The following BAHCC1 variants were observed in gnomAD, a reference collection of about 807,000 sequenced individuals.
BAHCC1 encodes BAH domain and coiled-coil containing 1.
A neutral mutation model predicts 88.2 loss-of-function variants in BAHCC1; 43 were observed. That is an observed-to-expected ratio of 0.49 (90% CI 0.38 to 0.63). The LOEUF is 0.63. Ranked by LOEUF, BAHCC1 falls within the 20% of genes least tolerant of loss-of-function variation. The probability of loss-of-function intolerance (pLI) is 0.00; values close to 1 mark genes in which losing one functional copy is unlikely to be tolerated. For synonymous variants in BAHCC1, 1,510 were observed against 745.5 expected, an observed-to-expected ratio of 2.03 and a Z score of -16.71; for missense variants, 3,023 against 1,654.8, an observed-to-expected ratio of 1.83 and a Z score of -14.34.
rs1301475629 is a variant in BAHCC1, at chr17:81,445,016, G to A, written c.2673G>A (p.Ala891=). 8 of 759,030 alleles carry A rather than the reference G, an allele frequency of 1.1e-5. No homozygotes were observed. The highest frequency in any genetic ancestry group is 1.5e-5 in the Non-Finnish European group (6 of 410,578). 47.0% of individuals were successfully genotyped at this position (759,030 alleles called of 1,614,324 possible). The part of the protein sequence containing the change: ...PTPHSAPHAL[A]DVMDQASLWP... ...ACCCCTCCTGGGCCCTGCCCACAGC[G>A]GATGTCATGGACCAGGCGTCACTGT... Residue 891 remains alanine, a splice_region_variant and synonymous_variant, in exon 9 of 28, where the codon GCG becomes GCA. Coordinates refer to ENST00000675386, the MANE Select transcript of BAHCC1 (RefSeq NM_001377448.1).
At chr17:81,455,755 C>T (rs1378170220) in intron 15 of BAHCC1, among the ~76,000 whole-genome samples, 1 of 152,070 alleles carries the variant, frequency 6.6e-6, no homozygotes. Flanking sequence ...CTCCGGCTGC[C>T]GGCACCCCCT....
intron 2 of BAHCC1, among the ~76,000 whole-genome samples, chr17:81,417,619 G>A (rs1031289728): frequency 5.4e-5 from 7 of 129,680 alleles, no homozygotes; most frequent in Admixed American, 2.0e-4. Flanking sequence ...ACTTATATCC[G>A]ATTTTCCTTT....
chr17:81,405,104 G>C (rs565472288), intron 2 of BAHCC1, among the ~76,000 whole-genome samples: 1 of 152,192 alleles, frequency 6.6e-6, no homozygotes. Context: ...CTGTCTGCCA[G>C]GCTGGAGTGC....
chr17:81,421,207 A>G (rs1331307258), intron 2 of BAHCC1, among the ~76,000 whole-genome samples: 1 of 152,204 alleles, frequency 6.6e-6, no homozygotes, highest in African/African-American at 2.4e-5. Flanking sequence ...TCCTTTGCCA[A>G]GAGGAAAGAG....
chr17:81,444,834 C>T lies in BAHCC1; in HGVS notation c.2671+8C>T, dbSNP rs1215209891. ...GCGCCCCCCACGCACTTGGTAAGGG[C>T]CCCTGGTCCAGGCTGCTGTACTTGG... On this transcript the variant is annotated splice_region_variant and intron_variant, in intron 8 of 27. Transcript: ENST00000675386. The T allele has an allele frequency of 3.9e-6, 3 of 772,086 alleles. No individual in the cohort carries two copies. The African/African-American group carries it at 5.1e-5, about 13-fold the overall frequency. The allele number at this position is 772,086 out of a possible 1,614,324, so 47.8% of individuals were successfully genotyped here.
At chr17:81,423,608 C>T (rs1174074938) in intron 2 of BAHCC1, among the ~76,000 whole-genome samples, 12 of 152,228 alleles carry the variant, frequency 7.9e-5, no homozygotes, top group African/African-American at 2.7e-4. Context: ...GCTTGCTGCC[C>T]GTGGGATGGA....
intron 2 of BAHCC1, among the ~76,000 whole-genome samples, chr17:81,406,137 G>C (rs1264661647): frequency 6.6e-5 from 10 of 152,218 alleles, no homozygotes; most frequent in Admixed American, 5.2e-4. Context: ...TTTCCAAAAA[G>C]AAGCCCTCCC....
Position 81,411,351 on chromosome 17 carries a change from C to T in BAHCC1, c.178+11434C>T, listed in dbSNP as rs532295011. On this transcript the variant is annotated intron_variant, in intron 2 of 27. Coordinates refer to ENST00000675386, the MANE Select transcript of BAHCC1 (RefSeq NM_001377448.1). The surrounding 1 kb of genome is among the most constrained non-coding windows in gnomAD (Gnocchi z 6.2). The stretch of plus-strand genomic sequence containing the variant: ...GCCCCTGAGAGTGAGGCTGGAGAGA[C>T]GGGAGGCACCGGTGCCCTGTGGGTG... 1.1e-3 allele frequency among the ~76,000 whole-genome samples: 147 copies of T among 137,020 alleles called. 2 individuals carry two copies. Among genetic ancestry groups the T allele is most frequent in the African/African-American group, 3.4e-3 (129 of 37,486 alleles). 89.9% of individuals were successfully genotyped at this position (137,020 alleles called of 152,430 possible).
At chr17:81,438,259 C>CG in intron 3 of BAHCC1, 111 bp from the exon 4 acceptor site, 1 of 703,392 alleles carries the variant, frequency 1.4e-6, no homozygotes. Flanking sequence ...CTGGGCTCTG[C>CG]GGGACATCGC....
At chr17:81,419,712 C>T (rs1348222199) in intron 2 of BAHCC1, among the ~76,000 whole-genome samples, 1 of 151,138 alleles carries the variant, frequency 6.6e-6, no homozygotes, top group Non-Finnish European at 1.5e-5. Context: ...GGCAGCTGGG[C>T]TTCCGGAAGC....
chr17:81,446,526 CTTTTTTTTTTTTTTTTTT>C (rs869297780), intron 10 of BAHCC1, among the ~76,000 whole-genome samples: 6,845 of 49,056 alleles, frequency 0.14, 262 homozygotes, highest in Middle Eastern at 0.22. Context: ...CTGCTCACAC[CTTTTTTTTTTTTTTTTTT>C]TTTTTTTTTT....
intron 9 of BAHCC1, 23 bp from the exon 10 acceptor site, chr17:81,445,331 G>C (rs781912792): frequency 2.6e-6 from 2 of 762,284 alleles, no homozygotes; most frequent in Non-Finnish European, 4.9e-6. Flanking sequence ...GAGCCTGACC[G>C]AGCTTGCCCC....
chr17:81,455,221 C>T (rs191519147), intron 14 of BAHCC1, 46 bp from the exon 15 acceptor site: 303 of 701,098 alleles, frequency 4.3e-4, no homozygotes, highest in African/African-American at 3.6e-3. Context: ...AAGGCTGGGG[C>T]GGCCGGGCCT....
chr17:81,409,411 A>G (rs1156947473), intron 2 of BAHCC1, among the ~76,000 whole-genome samples: 1 of 151,876 alleles, frequency 6.6e-6, no homozygotes, highest in East Asian at 1.9e-4. Context: ...GGAAGGGGGG[A>G]AGTGCGTGTG....
chr17:81,456,121 C>T, intron 15 of BAHCC1, 176 bp from the exon 16 acceptor site: 1 of 562,412 alleles, frequency 1.8e-6, no homozygotes, highest in Non-Finnish European at 3.1e-6. Flanking sequence ...AGCGTAGGCT[C>T]CAGGGGCAGG....
At chr17:81,402,903 G>A (rs2063834657) in intron 2 of BAHCC1, 1 of 152,218 alleles carries the variant, frequency 6.6e-6, no homozygotes, top group Non-Finnish European at 1.5e-5. Context: ...TTTAGACTCG[G>A]GCCGCAGGTT....
intron 6 of BAHCC1, 82 bp from the exon 7 acceptor site, chr17:81,444,299 T>TA: frequency 1.6e-6 from 1 of 621,854 alleles, no homozygotes; most frequent in South Asian, 1.6e-5. Flanking sequence ...CCCCAGGTCT[T>TA]ACAGAGACAA....
chr17:81,430,139 G>A (rs1421093595), intron 3 of BAHCC1, among the ~76,000 whole-genome samples: 1 of 152,142 alleles, frequency 6.6e-6, no homozygotes, highest in Admixed American at 6.5e-5. Flanking sequence ...GCCTGTCCTG[G>A]GTGGATGAGG....
rs563532268 is a variant in BAHCC1 at position 81,459,250 on chromosome 17, C to T, written c.5721-3C>T. 2.6e-6 allele frequency: 2 copies of T among 778,982 alleles called. No homozygotes were observed. The highest frequency in any genetic ancestry group is 2.4e-5 in the East Asian group (1 of 41,218). The allele number at this position is 778,982 out of a possible 1,614,324, so 48.3% of individuals were successfully genotyped here. A position where few individuals can be genotyped will look rare whatever the true frequency, so the allele number is the denominator to read the frequency against. ...GGCACCTCACATTCCCCAATGCCCC[C>T]AGCTATAGCATCGTCATCGAGGGCG... On this transcript the variant is annotated splice_polypyrimidine_tract_variant and splice_region_variant and intron_variant, in intron 21 of 27. Transcript: ENST00000675386.
Sources: allele counts gnomAD v4.1 joint callset (sites outside exome capture counted in the v4.1 genomes callset), GRCh38; gene constraint gnomAD v4.1.1; non-coding constraint Gnocchi (gnomAD v3.1); transcripts MANE v1.5; gene names NCBI Gene and HGNC (gene_info 2026-07-23, HGNC 2026-07-21).